GAB2: variants seen among roughly 807,000 people sequenced by gnomAD.
The protein encoded by GAB2 is GRB2-associated-binding protein 2.
GAB2 carries 26 observed loss-of-function variants against 65.5 expected under a neutral mutation model. The ratio of observed to expected loss-of-function variants is 0.40; its 90% CI spans 0.29 to 0.55. The LOEUF (loss-of-function observed/expected upper bound fraction) is 0.55, where lower values mean the gene tolerates loss of function less well. GAB2 is among the 20% of genes least tolerant of loss of function. The pLI is 0.53. For synonymous variants in GAB2, 321 were observed against 329.6 expected, an observed-to-expected ratio of 0.97 and a Z score of 0.28; for missense variants, 884 against 875.8, an observed-to-expected ratio of 1.01 and a Z score of -0.12.
At chr11:78,325,436 T>A (rs543731832) in intron 1 of GAB2, among the ~76,000 whole-genome samples, 30 of 152,296 alleles carry the variant, frequency 2.0e-4, no homozygotes, top group African/African-American at 7.2e-4. Context: ...CCAAGTAATT[T>A]GAGTCCTAGT....
chr11:78,279,711 CCTCT>C (rs1190200706), intron 2 of GAB2, among the ~76,000 whole-genome samples: 5 of 152,048 alleles, frequency 3.3e-5, no homozygotes, highest in African/African-American at 1.2e-4. Flanking sequence ...AAAAGATGGT[CCTCT>C]CTGTCTTCTT....
intron 1 of GAB2, among the ~76,000 whole-genome samples, chr11:78,340,618 G>GAA (rs35065436): frequency 2.5e-3 from 329 of 130,482 alleles, no homozygotes; most frequent in African/African-American, 8.4e-3. Flanking sequence ...ATGTGAAGAG[G>GAA]AAAAAAAAAA....
intron 1 of GAB2, among the ~76,000 whole-genome samples, chr11:78,389,438 C>T (rs1856806812): frequency 6.6e-6 from 1 of 152,018 alleles, no homozygotes. Flanking sequence ...TCCCAAGTAG[C>T]TGGGATTACA....
chr11:78,347,908 T>C (rs907635881), intron 1 of GAB2, among the ~76,000 whole-genome samples: 2 of 152,164 alleles, frequency 1.3e-5, no homozygotes, highest in East Asian at 3.8e-4. Flanking sequence ...CAAAAATCCA[T>C]GTACAACTTT....
intron 3 of GAB2, among the ~76,000 whole-genome samples, chr11:78,249,396 G>A (rs1865384674): frequency 6.6e-6 from 1 of 152,188 alleles, no homozygotes; most frequent in African/African-American, 2.4e-5. Flanking sequence ...GTAATCTGCT[G>A]GCTATGGTAG....
At chr11:78,397,333 T>C (rs1856915106) in intron 1 of GAB2, among the ~76,000 whole-genome samples, 1 of 152,240 alleles carries the variant, frequency 6.6e-6, no homozygotes, top group Non-Finnish European at 1.5e-5. Flanking sequence ...AATAACTTAC[T>C]GTGCTTTAGG....
At position 78,217,584 on chromosome 11, in the gene GAB2, A is replaced by C. The variant is rs1864212706; in HGVS notation, c.*1688T>G. 1 of 152,160 alleles carries C rather than the reference A, an allele frequency of 6.6e-6. No individual in the cohort carries two copies. Among genetic ancestry groups the C allele is most frequent in the Non-Finnish European group, 1.5e-5 (1 of 68,036 alleles). 9.4% of individuals were successfully genotyped at this position (152,160 alleles called of 1,614,324 possible). ...TTCTGTTCGCCCCAGGGTAGAATGAAACGTCTGGTCTGTCCTGTTGCTTCT... is the reference window on the plus strand; with the variant it reads ...TTCTGTTCGCCCCAGGGTAGAATGACACGTCTGGTCTGTCCTGTTGCTTCT... On this transcript the variant is annotated 3_prime_UTR_variant, in exon 10 of 10. Transcript: ENST00000361507.
chr11:78,281,912 G>A (rs1866346522), intron 1 of GAB2, among the ~76,000 whole-genome samples: 1 of 152,208 alleles, frequency 6.6e-6, no homozygotes, highest in Non-Finnish European at 1.5e-5. Context: ...AAGTAACAAT[G>A]TTACACACAG....
chr11:78,273,301 G>T (rs1482012300), intron 2 of GAB2, among the ~76,000 whole-genome samples: 1 of 152,230 alleles, frequency 6.6e-6, no homozygotes, highest in Admixed American at 6.5e-5. Context: ...CATGAAATCA[G>T]CCAGAAGAGA....
intron 4 of GAB2, among the ~76,000 whole-genome samples, chr11:78,225,971 A>G (rs963386552): frequency 2.0e-5 from 3 of 152,272 alleles, no homozygotes; most frequent in South Asian, 2.1e-4. Context: ...ACAAGTAACA[A>G]TAGAATTTAG....
At position 78,304,818 on chromosome 11, in the gene GAB2, C is replaced by T. The variant is rs374360943; in HGVS notation, c.76-23917G>A. Among the ~76,000 whole-genome samples, 4 of 152,326 alleles carry T rather than the reference C, an allele frequency of 2.6e-5. No homozygotes were observed. In the South Asian group the frequency reaches 8.3e-4, roughly 32 times the overall value. On this transcript the variant is annotated intron_variant, in intron 1 of 9. Transcript: ENST00000361507. ...AGGATAGCATTCAAGGGCCTTCCTT[C>T]ATTTGGTTCCAAACTGCTACCTGAA...
chr11:78,332,697 T>C (rs1172470421), intron 1 of GAB2, among the ~76,000 whole-genome samples: 3 of 152,176 alleles, frequency 2.0e-5, no homozygotes, highest in Non-Finnish European at 2.9e-5. Context: ...ATGTGAGTAA[T>C]GACAAATCAT....
intron 1 of GAB2, among the ~76,000 whole-genome samples, chr11:78,346,527 C>A (rs1856181230): frequency 6.6e-6 from 1 of 151,248 alleles, no homozygotes; most frequent in Non-Finnish European, 1.5e-5. Flanking sequence ...AATGTAGGTA[C>A]TTCTCACTTT....
chr11:78,246,567 C>T (rs547778614), intron 3 of GAB2, among the ~76,000 whole-genome samples: 13 of 152,058 alleles, frequency 8.5e-5, no homozygotes, highest in South Asian at 6.2e-4. Context: ...GGCGTGATCT[C>T]GGCCCACTGC....
At chr11:78,280,961 T>C in intron 1 of GAB2, 60 bp from the exon 2 acceptor site, 1 of 1,436,366 alleles carries the variant, frequency 7.0e-7, no homozygotes, top group South Asian at 1.2e-5. Flanking sequence ...ATTTCAAAGC[T>C]TTTTTCTTTC....
intron 3 of GAB2, among the ~76,000 whole-genome samples, chr11:78,248,423 C>T (rs1289704125): frequency 6.6e-6 from 1 of 152,150 alleles, no homozygotes; most frequent in African/African-American, 2.4e-5. Context: ...AGAAAGGACC[C>T]CAGGACCTAG....
rs146436772 is a variant in GAB2 at position 78,283,678 on chromosome 11, ACTTGATCTCT to A, written c.76-2787_76-2778del. Reference sequence around the variant, plus strand: ...CTGATAAATCAACTCATGGGCCTTAACTTGATCTCTCTTGATCTCTCTCCAACATCTGACA... The same window carrying A: ...CTGATAAATCAACTCATGGGCCTTAACTTGATCTCTCTCCAACATCTGACA... On this transcript the variant is annotated intron_variant, in intron 1 of 9. Coordinates refer to ENST00000361507, the MANE Select transcript of GAB2 (RefSeq NM_080491.3). 8.6e-3 allele frequency among the ~76,000 whole-genome samples: 1,312 copies of A among 152,218 alleles called. 20 individuals carry two copies. The highest frequency in any genetic ancestry group is 0.03 in the African/African-American group (1,244 of 41,520).
intron 1 of GAB2, among the ~76,000 whole-genome samples, chr11:78,393,129 T>C (rs770571264): frequency 1.3e-5 from 2 of 152,160 alleles, no homozygotes; most frequent in Non-Finnish European, 2.9e-5. Context: ...CATGTGACAT[T>C]TGAGGCAGGC....
At chr11:78,374,231 T>A (rs1565177080) in intron 1 of GAB2, among the ~76,000 whole-genome samples, 2 of 152,228 alleles carry the variant, frequency 1.3e-5, no homozygotes, top group African/African-American at 2.4e-5. Flanking sequence ...TACAGTTGAC[T>A]ACTGTGTGTG....
Sources: gnomAD v4.1 joint callset for allele counts (sites outside exome capture counted in the v4.1 genomes callset) on GRCh38, gnomAD v4.1.1 for gene constraint, MANE v1.5 for transcripts, NCBI Gene and HGNC (gene_info 2026-07-23, HGNC 2026-07-21) for gene names.